ELMO1: variants seen among roughly 807,000 people sequenced by gnomAD.
ELMO1 encodes the protein engulfment and cell motility protein 1.
In ELMO1, 26 loss-of-function variants were observed where a neutral mutation model predicts 98.9. The ratio of observed to expected loss-of-function variants is 0.26; its 90% CI spans 0.19 to 0.36. The LOEUF (loss-of-function observed/expected upper bound fraction) is 0.36, where lower values mean the gene tolerates loss of function less well. Ranked by LOEUF, ELMO1 falls within the 10% of genes least tolerant of loss-of-function variation. ELMO1 has a pLI of 1.00. For missense variants in ELMO1, 627 were observed against 935.2 expected, an observed-to-expected ratio of 0.67 and a Z score of 4.30; for synonymous variants, 346 against 346.0, an observed-to-expected ratio of 1.00 and a Z score of 0.00.
intron 20 of ELMO1, among the ~76,000 whole-genome samples, chr7:36,866,346 G>A (rs552263546): frequency 2.0e-5 from 3 of 152,232 alleles, no homozygotes; most frequent in South Asian, 2.1e-4. Flanking sequence ...TCTTGTCTCC[G>A]TAAAAATGTG....
intron 1 of ELMO1, among the ~76,000 whole-genome samples, chr7:37,410,034 C>T (rs542086064): frequency 5.9e-5 from 9 of 152,270 alleles, no homozygotes; most frequent in Non-Finnish European, 7.4e-5. Flanking sequence ...TATTAAGCAA[C>T]GAAGCCAGGA....
At chr7:37,326,297 G>C (rs1347656010) in intron 2 of ELMO1, among the ~76,000 whole-genome samples, 1 of 152,176 alleles carries the variant, frequency 6.6e-6, no homozygotes, top group East Asian at 1.9e-4. Flanking sequence ...GCTCACACCT[G>C]TAATCCCAGC....
chr7:36,958,154 C>T (rs1180841463), intron 16 of ELMO1, among the ~76,000 whole-genome samples: 1 of 152,176 alleles, frequency 6.6e-6, no homozygotes, highest in East Asian at 1.9e-4. Flanking sequence ...AACTTCTATT[C>T]CATTATAATT....
In ELMO1 at chr7:37,259,353, T is replaced by C. The variant is rs759320240; in HGVS notation, c.244-3A>G. 26 of 1,612,654 alleles carry C rather than the reference T, an allele frequency of 1.6e-5. No individual in the cohort carries two copies. The East Asian group carries it at 5.4e-4, about 33-fold the overall frequency. On this transcript the variant is annotated splice_polypyrimidine_tract_variant and splice_region_variant and intron_variant, in intron 5 of 21. Coordinates refer to ENST00000310758, the MANE Select transcript of ELMO1 (RefSeq NM_014800.11). ...TGGAGCTGCTGGGCGTTCTGAGCCT[T>C]ATGGGGCAAAAGCAAAGGGAAGAGT...
intron 16 of ELMO1, among the ~76,000 whole-genome samples, chr7:36,934,459 A>C (rs765973335): frequency 2.9e-4 from 44 of 151,266 alleles, no homozygotes; most frequent in Non-Finnish European, 5.3e-4. Context: ...ACCTGCTGAG[A>C]GTGCCTTCCC....
At chr7:36,868,699 T>C (rs1803252457) in intron 20 of ELMO1, among the ~76,000 whole-genome samples, 1 of 152,184 alleles carries the variant, frequency 6.6e-6, no homozygotes, top group Admixed American at 6.5e-5. Context: ...TCTTTATATG[T>C]TGGGGCTGAA....
chr7:37,285,495 T>C (rs1797348175), intron 4 of ELMO1, among the ~76,000 whole-genome samples: 1 of 152,192 alleles, frequency 6.6e-6, no homozygotes, highest in Non-Finnish European at 1.5e-5. Flanking sequence ...GCCATCGAAG[T>C]GCTGCTATGA....
At chr7:36,975,845 GAAAA>G (rs200193324) in intron 16 of ELMO1, among the ~76,000 whole-genome samples, 2 of 103,798 alleles carry the variant, frequency 1.9e-5, no homozygotes, top group Admixed American at 1.0e-4. Flanking sequence ...ACACTTGCCT[GAAAA>G]AAAAAAAAAA....
intron 4 of ELMO1, among the ~76,000 whole-genome samples, chr7:37,274,991 CTA>C (rs1213838130): frequency 1.6e-4 from 25 of 152,286 alleles, no homozygotes; most frequent in Non-Finnish European, 3.1e-4. Flanking sequence ...CATTATAACT[CTA>C]TGCCCACGTT....
At chr7:37,412,193 T>C (rs1804019128) in intron 1 of ELMO1, among the ~76,000 whole-genome samples, 1 of 152,230 alleles carries the variant, frequency 6.6e-6, no homozygotes, top group Non-Finnish European at 1.5e-5. Flanking sequence ...TGTTCTTTCT[T>C]CAAAGGAACA....
intron 1 of ELMO1, chr7:37,376,130 G>C (rs558635244): frequency 3.2e-6 from 1 of 312,240 alleles, no homozygotes; most frequent in Admixed American, 4.2e-5. Flanking sequence ...AGCTCTTGAA[G>C]GAAGTGATGA....
chr7:37,372,442 A>C (rs1802156681), intron 1 of ELMO1, among the ~76,000 whole-genome samples: 1 of 152,196 alleles, frequency 6.6e-6, no homozygotes, highest in Non-Finnish European at 1.5e-5. Context: ...GATTACAATG[A>C]GTCCCTGGTA....
At chr7:37,344,203 T>C (rs968010734) in intron 1 of ELMO1, among the ~76,000 whole-genome samples, 2 of 152,058 alleles carry the variant, frequency 1.3e-5, no homozygotes, top group South Asian at 4.2e-4. Context: ...GGCTAACTTT[T>C]GTATTTTTAG....
intron 1 of ELMO1, among the ~76,000 whole-genome samples, chr7:37,346,354 A>G (rs1801008031): frequency 6.6e-6 from 1 of 152,224 alleles, no homozygotes; most frequent in Non-Finnish European, 1.5e-5. Flanking sequence ...GAGTAATTTT[A>G]ATTTTCTAGG....
intron 16 of ELMO1, among the ~76,000 whole-genome samples, chr7:36,908,523 C>G (rs1784122070): frequency 6.7e-6 from 1 of 150,204 alleles, no homozygotes; most frequent in Non-Finnish European, 1.5e-5. Context: ...TGTTATATAG[C>G]AAAGCCAATG....
chr7:37,051,720 T>G (rs1372964982), intron 15 of ELMO1, among the ~76,000 whole-genome samples: 1 of 152,210 alleles, frequency 6.6e-6, no homozygotes, highest in African/African-American at 2.4e-5. Context: ...CAAGGAATTT[T>G]GCTATTAAAA....
At chr7:37,391,769 T>A (rs1366563051) in intron 1 of ELMO1, among the ~76,000 whole-genome samples, 5 of 152,180 alleles carry the variant, frequency 3.3e-5, no homozygotes, top group African/African-American at 1.2e-4. Flanking sequence ...CAAGCCCCCA[T>A]GTAACACTCA....
At chr7:37,053,276 AT>A (rs1290232708) in intron 15 of ELMO1, among the ~76,000 whole-genome samples, 1 of 142,152 alleles carries the variant, frequency 7.0e-6, no homozygotes, top group African/African-American at 2.6e-5. Context: ...GGGCATTTTC[AT>A]TTGTTAAAAC....
chr7:37,133,806 G>T (rs971738323), intron 13 of ELMO1, among the ~76,000 whole-genome samples: 11 of 152,142 alleles, frequency 7.2e-5, no homozygotes, highest in Non-Finnish European at 1.2e-4. Flanking sequence ...ACATCTGCCT[G>T]CTCTCAGGAA....
Sources: allele counts gnomAD v4.1 joint callset (sites outside exome capture counted in the v4.1 genomes callset), GRCh38; gene constraint gnomAD v4.1.1; transcripts MANE v1.5; gene names NCBI Gene and HGNC (gene_info 2026-07-23, HGNC 2026-07-21).